Variants in SGCD observed in about 807,000 individuals in gnomAD.
SGCD encodes the protein delta-sarcoglycan.
Under a neutral mutation model 36.6 loss-of-function variants are expected in SGCD, and 18 were observed. The ratio of observed to expected loss-of-function variants is 0.49; its 90% confidence interval spans 0.34 to 0.73. The LOEUF (loss-of-function observed/expected upper bound fraction) is 0.73, where lower values mean the gene tolerates loss of function less well. Among genes scored for constraint, SGCD ranks in the 30% least tolerant of loss-of-function variants. SGCD has a pLI of 0.01. For synonymous variants in SGCD, 133 were observed against 130.6 expected, an observed-to-expected ratio of 1.02 and a Z score of -0.12; for missense variants, 387 against 346.7, an observed-to-expected ratio of 1.12 and a Z score of -0.92.
intron 3 of SGCD, among the ~76,000 whole-genome samples, chr5:156,145,107 G>C (rs536947932): frequency 6.6e-5 from 10 of 152,314 alleles, no homozygotes; most frequent in Non-Finnish European, 2.9e-5. Context: ...GGTGGGGCCT[G>C]ATGGGAGGTG....
At chr5:156,073,246 C>T (rs1414198159) in intron 1 of SGCD, among the ~76,000 whole-genome samples, 2 of 152,080 alleles carry the variant, frequency 1.3e-5, no homozygotes, top group African/African-American at 2.4e-5. Flanking sequence ...CTGTATCTTA[C>T]CTGATTTCCC....
intron 3 of SGCD, among the ~76,000 whole-genome samples, chr5:156,459,851 C>A (rs1259869761): frequency 6.6e-6 from 1 of 152,138 alleles, no homozygotes; most frequent in Admixed American, 6.6e-5. Flanking sequence ...TTTATGTTCC[C>A]TGGGGGTTTG....
chr5:156,246,389 G>GA (rs1036940079), intron 3 of SGCD, among the ~76,000 whole-genome samples: 10 of 151,194 alleles, frequency 6.6e-5, no homozygotes, highest in Non-Finnish European at 8.9e-5. Flanking sequence ...AAATTCTATT[G>GA]AAAAAAAATC....
intron 7 of SGCD, among the ~76,000 whole-genome samples, chr5:156,691,206 C>CAAAAAAAAA (rs58947494): frequency 0.034 from 2,079 of 61,376 alleles, 398 homozygotes; most frequent in African/African-American, 0.066. Flanking sequence ...GACTCTGTCT[C>CAAAAAAAAA]AAAAAAAAAA....
intron 1 of SGCD, among the ~76,000 whole-genome samples, chr5:155,935,584 A>G (rs1326138769): frequency 1.3e-5 from 2 of 152,234 alleles, no homozygotes; most frequent in Non-Finnish European, 2.9e-5. Context: ...CTTAAGAAAC[A>G]GCCAGTTAAT....
intron 1 of SGCD, among the ~76,000 whole-genome samples, chr5:156,091,091 C>T (rs898377744): frequency 3.3e-5 from 5 of 152,092 alleles, no homozygotes; most frequent in Non-Finnish European, 5.9e-5. Context: ...ACATCCTCAG[C>T]TTACGAAGAT....
At chr5:156,587,178 T>C (rs965347588) in intron 4 of SGCD, among the ~76,000 whole-genome samples, 1 of 152,226 alleles carries the variant, frequency 6.6e-6, no homozygotes, top group African/African-American at 2.4e-5. Context: ...GTGACCAGCC[T>C]GCCCTTTTGT....
At chr5:155,796,806 C>CA in the SGCD span, among the ~76,000 whole-genome samples, 1,578 of 51,242 alleles carry the variant, frequency 0.031, 129 homozygotes, top group African/African-American at 0.051. Flanking sequence ...AACTCCATCT[C>CA]AAAAAAAAAA....
At chr5:156,599,245 T>G (rs551693378) in intron 6 of SGCD, among the ~76,000 whole-genome samples, 1 of 152,300 alleles carries the variant, frequency 6.6e-6, no homozygotes, top group South Asian at 2.1e-4. Flanking sequence ...CTTGGGAGGT[T>G]TGAATCTGGT....
In SGCD at chr5:156,315,728, T is replaced by A. The variant is rs138370610; in HGVS notation, c.-43-13806T>A. On this transcript the variant is annotated intron_variant, in intron 3 of 9. Transcript: ENST00000517913. ...CATCCTTGCCAATGCATATATATAT[T>A]TTTTGTCTTTTTGATAGTAGCCATC... Among the ~76,000 whole-genome samples, 34 of 152,038 alleles carry A rather than the reference T, an allele frequency of 2.2e-4. 1 individual carries two copies. Among genetic ancestry groups the A allele is most frequent in the Middle Eastern group, 3.4e-3 (1 of 294 alleles).
chr5:156,052,159 G>A (rs1248228245), intron 1 of SGCD, among the ~76,000 whole-genome samples: 1 of 146,232 alleles, frequency 6.8e-6, no homozygotes, highest in African/African-American at 2.5e-5. Flanking sequence ...CCAAGAAGAG[G>A]AGGGGCCAGG....
intron 2 of SGCD, among the ~76,000 whole-genome samples, chr5:156,123,390 CA>C (rs1249680098): frequency 1.3e-5 from 2 of 152,146 alleles, no homozygotes; most frequent in South Asian, 2.1e-4. Flanking sequence ...CCAGTGGTCG[CA>C]GTAAGATTGG....
At chr5:155,991,280 A>G (rs1427598584) in intron 1 of SGCD, among the ~76,000 whole-genome samples, 1 of 152,238 alleles carries the variant, frequency 6.6e-6, no homozygotes, top group Admixed American at 6.5e-5. Context: ...TGCCACTTCA[A>G]ACTTTCATTT....
chr5:156,764,193 T>C lies in SGCD; in HGVS notation c.*4803T>C, dbSNP rs1757545737. ...GAAAACAGGCCTTTTATCTCAAAGA[T>C]AAAATGTCTTTCTTGTGGTCTTTCA... On this transcript the variant is annotated 3_prime_UTR_variant, in exon 9 of 9. Transcript: ENST00000337851. The C allele has an allele frequency of 6.6e-6, 1 of 152,602 alleles. No individual in the cohort carries two copies. The highest frequency in any genetic ancestry group is 2.1e-4 in the South Asian group (1 of 4,830). 9.5% of individuals were successfully genotyped at this position (152,602 alleles called of 1,614,324 possible).
intron 7 of SGCD, among the ~76,000 whole-genome samples, chr5:156,746,133 A>AG (rs1380153422): frequency 2.6e-5 from 4 of 151,890 alleles, no homozygotes; most frequent in Non-Finnish European, 5.9e-5. Context: ...GGAGTAGGCG[A>AG]GAAAAAAAAA....
intron 3 of SGCD, among the ~76,000 whole-genome samples, chr5:156,161,179 A>T (rs1763079288): frequency 6.6e-6 from 1 of 151,772 alleles, no homozygotes; most frequent in Admixed American, 6.5e-5. Flanking sequence ...CAATGCACGA[A>T]CATATCAAAG....
At chr5:156,516,751 A>G (rs758940054) in intron 4 of SGCD, among the ~76,000 whole-genome samples, 1 of 152,150 alleles carries the variant, frequency 6.6e-6, no homozygotes, top group African/African-American at 2.4e-5. Context: ...AATCCCAGCA[A>G]TTTAGGAGGC....
intron 3 of SGCD, among the ~76,000 whole-genome samples, chr5:156,425,021 G>T (rs1280210032): frequency 6.6e-6 from 1 of 151,982 alleles, no homozygotes; most frequent in East Asian, 1.9e-4. Flanking sequence ...CTATTGTCGA[G>T]GAATAGCTTG....
the SGCD span, among the ~76,000 whole-genome samples, chr5:155,736,173 C>T: frequency 2.6e-5 from 4 of 152,146 alleles, no homozygotes; most frequent in African/African-American, 7.2e-5. Context: ...ATTATGGAGA[C>T]AGTAAGACAC....
Sources: gnomAD v4.1 joint callset for allele counts (sites outside exome capture counted in the v4.1 genomes callset) on GRCh38, gnomAD v4.1.1 for gene constraint, MANE v1.5 for transcripts, NCBI Gene and HGNC (gene_info 2026-07-23, HGNC 2026-07-21) for gene names.